The following SYN3 variants were observed in gnomAD, a reference collection of about 807,000 sequenced individuals.
SYN3 encodes the protein synapsin-3.
Under a neutral mutation model 65.8 loss-of-function variants are expected in SYN3, and 35 were observed. The observed-to-expected ratio is 0.53, with a 90% CI of 0.41 to 0.70. The LOEUF (loss-of-function observed/expected upper bound fraction) is 0.70. SYN3 is among the 30% of genes least tolerant of loss of function. SYN3 has a pLI of 0.00. For missense variants in SYN3, 680 were observed against 749.0 expected (o/e 0.91, Z 1.08); for synonymous variants, 270 against 292.9 (o/e 0.92, Z 0.80).
intron 6 of SYN3, among the ~76,000 whole-genome samples, chr22:32,782,315 ACC>A: frequency 6.6e-6 from 1 of 151,800 alleles, no homozygotes; most frequent in Non-Finnish European, 1.5e-5. Context: ...TGATCCACCC[ACC>A]TTGGCCTCCC....
intron 6 of SYN3, among the ~76,000 whole-genome samples, chr22:32,599,414 C>A (rs1041481855): frequency 6.6e-6 from 1 of 151,858 alleles, no homozygotes; most frequent in Non-Finnish European, 1.5e-5. Context: ...CTCCGCCTCC[C>A]GGGTTCACAC....
At chr22:32,755,920 A>G (rs984981391) in intron 6 of SYN3, among the ~76,000 whole-genome samples, 2 of 152,184 alleles carry the variant, frequency 1.3e-5, no homozygotes, top group African/African-American at 4.8e-5. Context: ...CGTCCTTTAC[A>G]GGGACATGGA....
chr22:32,823,914 G>A (rs991774718), intron 6 of SYN3, among the ~76,000 whole-genome samples: 4 of 152,108 alleles, frequency 2.6e-5, no homozygotes, highest in African/African-American at 7.2e-5. Context: ...ACACCTATAT[G>A]TCTAAGGGTC....
At chr22:32,811,400 A>G (rs2046911152) in intron 6 of SYN3, among the ~76,000 whole-genome samples, 1 of 152,182 alleles carries the variant, frequency 6.6e-6, no homozygotes, top group Non-Finnish European at 1.5e-5. Flanking sequence ...GTTGTTATAG[A>G]GCAGAGCTGA....
At chr22:32,999,845 G>T (rs2053006765) in intron 2 of SYN3, among the ~76,000 whole-genome samples, 1 of 152,148 alleles carries the variant, frequency 6.6e-6, no homozygotes, top group South Asian at 2.1e-4. Flanking sequence ...CATGGGGAGG[G>T]GGCAGGCAGG....
intron 3 of SYN3, among the ~76,000 whole-genome samples, chr22:32,969,979 A>G (rs180947141): frequency 1.3e-5 from 2 of 152,352 alleles, no homozygotes. Context: ...TTATCCCACA[A>G]ACTGCACTGC....
At chr22:32,914,990 G>A (rs1367518703) in intron 4 of SYN3, among the ~76,000 whole-genome samples, 2 of 152,170 alleles carry the variant, frequency 1.3e-5, no homozygotes, top group Non-Finnish European at 2.9e-5. Flanking sequence ...TCTGCCTTCA[G>A]GGACCGGACA....
At chr22:33,029,740 C>T (rs557929506) in intron 1 of SYN3, among the ~76,000 whole-genome samples, 3 of 152,300 alleles carry the variant, frequency 2.0e-5, no homozygotes, top group South Asian at 2.1e-4. Flanking sequence ...AGCACTTTCC[C>T]TCCATGGTAT....
chr22:32,809,967 C>T (rs1241165665), intron 6 of SYN3, among the ~76,000 whole-genome samples: 1 of 152,232 alleles, frequency 6.6e-6, no homozygotes, highest in African/African-American at 2.4e-5. Context: ...ACAGTGCTGC[C>T]ACCATGCCTG....
chr22:32,604,987 T>C lies in SYN3; in HGVS notation c.712-8251A>G, dbSNP rs549619062. Among the ~76,000 whole-genome samples, 269 of 130,308 alleles carry C rather than the reference T, an allele frequency of 2.1e-3. No individual in the cohort carries two copies. The Middle Eastern group carries it at 0.024, about 11-fold the overall frequency. 85.5% of individuals were successfully genotyped at this position (130,308 alleles called of 152,430 possible). ...CGCCACTGCACACCAGCCTGGGCGA[T>C]AGAGCGAGACTCCATCTCAGAAAAA... On this transcript the variant is annotated intron_variant, in intron 6 of 13. Transcript: ENST00000358763.
intron 4 of SYN3, among the ~76,000 whole-genome samples, chr22:32,888,093 T>A (rs2049343976): frequency 6.6e-6 from 1 of 152,218 alleles, no homozygotes; most frequent in South Asian, 2.1e-4. Context: ...TAATATCATT[T>A]CACATGCTTG....
intron 4 of SYN3, among the ~76,000 whole-genome samples, chr22:32,919,673 G>A (rs968643677): frequency 1.3e-5 from 2 of 152,180 alleles, no homozygotes; most frequent in Admixed American, 1.3e-4. Context: ...AGGAAGCCCA[G>A]AAGAATCTGG....
chr22:32,843,228 C>T (rs1196083610), intron 6 of SYN3, among the ~76,000 whole-genome samples: 2 of 152,202 alleles, frequency 1.3e-5, no homozygotes, highest in Admixed American at 1.3e-4. Context: ...AACATGCACA[C>T]GTTGCTTGGC....
At position 32,509,896 on chromosome 22, in the gene SYN3, G is replaced by C. The variant is rs2057673081; in HGVS notation, c.*3796C>G. 6.6e-6 allele frequency among the ~76,000 whole-genome samples: 1 copy of C among 152,092 alleles called. No individual in the cohort carries two copies. The highest frequency in any genetic ancestry group is 1.5e-5 in the Non-Finnish European group (1 of 68,032). ...GTGGGGAAATTATTTAAATGTGTTG[G>C]CTATAAACTAGTGTTATGTCATGGA... On this transcript the variant is annotated 3_prime_UTR_variant, in exon 14 of 14. Coordinates refer to ENST00000358763, the MANE Select transcript of SYN3 (RefSeq NM_003490.4).
chr22:32,590,857 T>G (rs895390000), intron 7 of SYN3, among the ~76,000 whole-genome samples: 7 of 152,234 alleles, frequency 4.6e-5, no homozygotes, highest in African/African-American at 1.7e-4. Context: ...CATACTAAAC[T>G]TGTAGCCAAG....
At chr22:32,788,495 C>T (rs529771554) in intron 6 of SYN3, among the ~76,000 whole-genome samples, 4 of 151,772 alleles carry the variant, frequency 2.6e-5, no homozygotes, top group Admixed American at 6.6e-5. Context: ...GAGCAGAGAT[C>T]GTGCCACTGC....
intron 6 of SYN3, among the ~76,000 whole-genome samples, chr22:32,613,297 A>G (rs1185536971): frequency 6.6e-5 from 10 of 152,148 alleles, no homozygotes; most frequent in Non-Finnish European, 1.5e-5. Context: ...TAAATAACAA[A>G]TAAATAAATA....
chr22:32,691,484 G>C (rs2060660707), intron 6 of SYN3, among the ~76,000 whole-genome samples: 1 of 152,142 alleles, frequency 6.6e-6, no homozygotes, highest in Non-Finnish European at 1.5e-5. Context: ...ATTTAGGTAA[G>C]GTCTTGCCTA....
At chr22:32,858,066 G>A in intron 6 of SYN3, 2 of 1,614,214 alleles carry the variant, frequency 1.2e-6, no homozygotes, top group South Asian at 1.1e-5. Context: ...ACTTCGTGGA[G>A]AGGTGGGACC....
Sources: gnomAD v4.1 joint callset for allele counts (sites outside exome capture counted in the v4.1 genomes callset) on GRCh38, gnomAD v4.1.1 for gene constraint, MANE v1.5 for transcripts, NCBI Gene and HGNC (gene_info 2026-07-23, HGNC 2026-07-21) for gene names.